Variants in TLN2 observed in about 807,000 individuals in gnomAD.
The protein encoded by TLN2 is talin 2.
Under a neutral mutation model 294.7 loss-of-function variants are expected in TLN2, and 118 were observed. The observed-to-expected ratio is 0.40, with a 90% CI of 0.34 to 0.47. TLN2 has a LOEUF of 0.47. Among genes scored for constraint, TLN2 ranks in the 20% least tolerant of loss-of-function variants. The pLI is 0.84. For missense variants in TLN2, 3,083 were observed against 3,282.2 expected (o/e 0.94, Z 1.48); for synonymous variants, 1,431 against 1,304.5 (o/e 1.10, Z -2.09).
chr15:62,392,416 G>A (rs1268372737), intron 1 of TLN2, among the ~76,000 whole-genome samples: 2 of 152,238 alleles, frequency 1.3e-5, no homozygotes, highest in Admixed American at 1.3e-4. Context: ...GGTGCTGTAA[G>A]TACCACTTAC....
intron 1 of TLN2, among the ~76,000 whole-genome samples, chr15:62,510,666 A>T (rs1334811473): frequency 6.6e-6 from 1 of 152,192 alleles, no homozygotes; most frequent in Non-Finnish European, 1.5e-5. Flanking sequence ...CTCCAGGGCG[A>T]TGCTGTGGCA....
At chr15:62,817,893 A>T (rs1452336952) in intron 52 of TLN2, among the ~76,000 whole-genome samples, 1 of 137,630 alleles carries the variant, frequency 7.3e-6, no homozygotes, top group Non-Finnish European at 1.5e-5. Flanking sequence ...ATCTTGGCTC[A>T]CTGCAACCTC....
intron 1 of TLN2, among the ~76,000 whole-genome samples, chr15:62,466,447 A>C (rs2037140694): frequency 6.6e-6 from 1 of 152,096 alleles, no homozygotes; most frequent in Middle Eastern, 3.2e-3. Context: ...TGGCCTCTCT[A>C]CCCAGTAGGT....
At chr15:62,816,590 C>A (rs552462227) in intron 52 of TLN2, among the ~76,000 whole-genome samples, 101 of 152,314 alleles carry the variant, frequency 6.6e-4, no homozygotes, top group African/African-American at 2.4e-3. Flanking sequence ...CTTTTAGAGA[C>A]AGAAGTCTTT....
rs202121341 is a variant in TLN2 at position 62,643,988 on chromosome 15, A to G, written c.-36-3287A>G. Among the ~76,000 whole-genome samples, 99 of 152,196 alleles carry G rather than the reference A, an allele frequency of 6.5e-4. No homozygotes were observed. In the East Asian group the frequency reaches 7.9e-3, roughly 12 times the overall value. ...CTATGGAGTTTACAGCAACCATGTG[A>G]TGTGCACTTTTGGATTACAAAGTCT... On this transcript the variant is annotated intron_variant, in intron 3 of 58. Coordinates refer to ENST00000636159, the MANE Select transcript of TLN2 (RefSeq NM_015059.3).
chr15:62,675,813 G>A (rs996458418), intron 11 of TLN2, among the ~76,000 whole-genome samples: 3 of 152,182 alleles, frequency 2.0e-5, no homozygotes, highest in Non-Finnish European at 4.4e-5. Context: ...GAAAAGAGGC[G>A]TGTTTTTGAA....
chr15:62,766,504 C>T (rs1201807700), intron 41 of TLN2, 82 bp downstream of exon 41: 20 of 1,346,326 alleles, frequency 1.5e-5, no homozygotes, highest in Non-Finnish European at 2.1e-5. Flanking sequence ...TGTTATCATT[C>T]CCAAAAGCCT....
intron 15 of TLN2, 115 bp downstream of exon 15, chr15:62,697,983 A>C: frequency 3.0e-6 from 4 of 1,314,372 alleles, no homozygotes; most frequent in Non-Finnish European, 1.0e-6. Context: ...TCCCGGCTGA[A>C]CCATGCCTCG....
rs1315435161 is a variant in TLN2, at chr15:62,690,352, C to T, written c.1114-2488C>T. ...AGACGGGGTCGCGGCCGGGCAGAGG[C>T]GCTCCTCACCTCCCAGACGGGGCGG... is the stretch of plus-strand genomic sequence containing the variant. On this transcript the variant is annotated intron_variant, in intron 12 of 58. Coordinates refer to ENST00000636159, the MANE Select transcript of TLN2 (RefSeq NM_015059.3). 22 of 152,884 alleles carry T rather than the reference C, an allele frequency of 1.4e-4. 1 individual carries two copies. The highest frequency in any genetic ancestry group is 3.8e-4 in the African/African-American group (14 of 36,616). The allele number at this position is 152,884 out of a possible 1,614,324, so 9.5% of individuals were successfully genotyped here.
chr15:62,486,980 C>T (rs1016311849), intron 1 of TLN2, among the ~76,000 whole-genome samples: 1 of 152,148 alleles, frequency 6.6e-6, no homozygotes, highest in African/African-American at 2.4e-5. Context: ...CTTGTAGCAA[C>T]TGTGAGATCC....
intron 1 of TLN2, among the ~76,000 whole-genome samples, chr15:62,555,095 C>G (rs2042535168): frequency 6.6e-6 from 1 of 152,016 alleles, no homozygotes; most frequent in African/African-American, 2.4e-5. Context: ...TTTACTAGTG[C>G]AGGTATTCAG....
At position 62,694,408 on chromosome 15, in the gene TLN2, A is replaced by C; in HGVS notation, c.1292+16A>C. On this transcript the variant is annotated intron_variant, in intron 14 of 58. Transcript: ENST00000636159. ...CCCCAAAAAAGTAAGTATTATGAAG[A>C]GTACTAGAGGACCACCTTCTCCCTA... is the stretch of plus-strand genomic sequence containing the variant. 1.9e-6 allele frequency: 3 copies of C among 1,611,480 alleles called. No homozygotes were observed. The highest frequency in any genetic ancestry group is 2.5e-6 in the Non-Finnish European group (3 of 1,177,642).
chr15:62,486,701 G>A (rs1256907689), intron 1 of TLN2, among the ~76,000 whole-genome samples: 1 of 151,858 alleles, frequency 6.6e-6, no homozygotes, highest in Non-Finnish European at 1.5e-5. Context: ...CTTGGTTAAT[G>A]TAGTGTTGAA....
chr15:62,715,222 G>T (rs1160950016), intron 22 of TLN2, among the ~76,000 whole-genome samples: 1 of 152,204 alleles, frequency 6.6e-6, no homozygotes, highest in East Asian at 1.9e-4. Flanking sequence ...ATAGCTCAAA[G>T]AAATAGGTTC....
At chr15:62,804,348 A>G (rs2066132506) in intron 50 of TLN2, among the ~76,000 whole-genome samples, 1 of 152,216 alleles carries the variant, frequency 6.6e-6, no homozygotes, top group South Asian at 2.1e-4. Flanking sequence ...CTGTAATTCC[A>G]GCACTTTAGG....
At chr15:62,818,806 G>A (rs75813489) in intron 52 of TLN2, among the ~76,000 whole-genome samples, 2,913 of 151,560 alleles carry the variant, frequency 0.019, 53 homozygotes, top group Admixed American at 0.034. Context: ...ATAGCTTGGG[G>A]CTTTTGCCTT....
intron 37 of TLN2, among the ~76,000 whole-genome samples, chr15:62,758,825 G>A (rs1184967786): frequency 2.6e-5 from 4 of 152,226 alleles, no homozygotes; most frequent in Non-Finnish European, 5.9e-5. Context: ...TTTGAGGCAT[G>A]CCAGTGAGTA....
At chr15:62,527,674 A>G (rs564941813) in intron 1 of TLN2, among the ~76,000 whole-genome samples, 20 of 152,374 alleles carry the variant, frequency 1.3e-4, no homozygotes, top group African/African-American at 2.9e-4. Flanking sequence ...CTGGGAATGC[A>G]TGCACAATTA....
At position 62,454,272 on chromosome 15, in the gene TLN2, G is replaced by A. The variant is rs2036330289; in HGVS notation, c.-238+63587G>A. Among the ~76,000 whole-genome samples the A allele has an allele frequency of 2.0e-5, 3 of 152,170 alleles. No homozygotes were observed. The South Asian group carries it at 6.2e-4, about 32-fold the overall frequency. On this transcript the variant is annotated intron_variant, in intron 1 of 58. Transcript: ENST00000636159. ...AGTCCTCCAGCAAATGTTTGTGTGG[G>A]CAGGAGGCAGAAAGGGAAGGAAGAG...
Sources: gnomAD v4.1 joint callset for allele counts (sites outside exome capture counted in the v4.1 genomes callset) on GRCh38, gnomAD v4.1.1 for gene constraint, MANE v1.5 for transcripts, NCBI Gene and HGNC (gene_info 2026-07-23, HGNC 2026-07-21) for gene names.